KIF15: variants seen among roughly 807,000 people sequenced by gnomAD.
KIF15 encodes the protein kinesin-like protein KIF15.
KIF15 carries 140 observed loss-of-function variants against 190.6 expected under a neutral mutation model. That is an observed-to-expected ratio of 0.73 (90% CI 0.64 to 0.84). The LOEUF (loss-of-function observed/expected upper bound fraction) is 0.84. KIF15 is among the 40% of genes least tolerant of loss of function. The pLI is 0.00. For synonymous variants in KIF15, 528 were observed against 551.3 expected (o/e 0.96, Z 0.59); for missense variants, 1,372 against 1,584.4 (o/e 0.87, Z 2.28).
At chr3:44,768,287 A>C (rs1014415774) in intron 1 of KIF15, among the ~76,000 whole-genome samples, 5 of 151,968 alleles carry the variant, frequency 3.3e-5, no homozygotes, top group East Asian at 1.9e-4. Flanking sequence ...AAAAAAGAAA[A>C]GAAAAGAAAA....
intron 8 of KIF15, among the ~76,000 whole-genome samples, chr3:44,795,754 G>A (rs1706945259): frequency 6.6e-6 from 1 of 152,042 alleles, no homozygotes; most frequent in Admixed American, 6.6e-5. Flanking sequence ...AATATACATG[G>A]GCAAGGGGAG....
chr3:44,780,315 C>CT (rs1355709049), intron 4 of KIF15, among the ~76,000 whole-genome samples: 5 of 152,014 alleles, frequency 3.3e-5, no homozygotes, highest in Non-Finnish European at 7.4e-5. Context: ...GCACAAAAAC[C>CT]TATAGCATAA....
At chr3:44,785,964 T>C (rs1706383072) in intron 6 of KIF15, among the ~76,000 whole-genome samples, 1 of 152,188 alleles carries the variant, frequency 6.6e-6, no homozygotes, top group South Asian at 2.1e-4. Context: ...CTCACGCCTG[T>C]AATCCCAGCA....
chr3:44,787,075 A>G (rs1307686790), intron 7 of KIF15, among the ~76,000 whole-genome samples: 1 of 152,242 alleles, frequency 6.6e-6, no homozygotes, highest in Non-Finnish European at 1.5e-5. Flanking sequence ...AGCATTTGAC[A>G]CATATGAAAT....
At chr3:44,774,971 A>G (rs1342621601) in intron 2 of KIF15, among the ~76,000 whole-genome samples, 2 of 152,050 alleles carry the variant, frequency 1.3e-5, no homozygotes, top group Non-Finnish European at 2.9e-5. Flanking sequence ...GTGATGGCAG[A>G]TCCCTGTAAT....
In KIF15 at chr3:44,805,949, T is replaced by C; in HGVS notation, c.1934T>C (p.Val645Ala). 6.2e-7 allele frequency: 1 copy of C among 1,614,126 alleles called. No individual in the cohort carries two copies. The highest frequency in any genetic ancestry group is 1.1e-5 in the South Asian group (1 of 91,058). Residue 645 changes from valine (V) to alanine (A), a missense_variant, in exon 16 of 35, where the codon GTT (valine) becomes GCT (alanine). Transcript: ENST00000326047. ...ACAAAAGCCTGCAAGCGGCAAGAAGTTTCTCAGCTGAATAAAATTCATGCT... is the reference window on the plus strand; with the variant it reads ...ACAAAAGCCTGCAAGCGGCAAGAAGCTTCTCAGCTGAATAAAATTCATGCT... ...EATKACKRQE[V>A]SQLNKIHAET... is the part of the protein sequence containing the mutation.
chr3:44,854,175 A>C (rs913045069), downstream of KIF15, among the ~76,000 whole-genome samples: 1 of 152,132 alleles, frequency 6.6e-6, no homozygotes. Context: ...ACTTGAGGCC[A>C]GGAGTTCAAT....
At chr3:44,823,628 A>G (rs1049212093) in intron 20 of KIF15, among the ~76,000 whole-genome samples, 4 of 152,210 alleles carry the variant, frequency 2.6e-5, no homozygotes, top group African/African-American at 7.2e-5. Context: ...GGTGGAATCT[A>G]TAGAGGCAGC....
Position 44,778,179 on chromosome 3 carries a change from C to T in KIF15, c.311C>T (p.Thr104Ile). The T allele has an allele frequency of 1.2e-6, 2 of 1,612,718 alleles. No individual in the cohort carries two copies. Among genetic ancestry groups the T allele is most frequent in the Non-Finnish European group, 1.7e-6 (2 of 1,178,732 alleles). Residue 104 changes from threonine to isoleucine, a missense_variant, in exon 4 of 35, where the codon ACC becomes ATC. Coordinates refer to ENST00000326047, the MANE Select transcript of KIF15 (RefSeq NM_020242.3). ...TCTTGCATGAGCGGTTATAATGGTA[C>T]CATCTTTGCATAGTAAGTTGTTGAC... is the stretch of plus-strand genomic sequence containing the variant. ...VESCMSGYNG[T>I]IFAYGQTGSG...
chr3:44,861,220 A>C (rs1012112135), intron 6 of KIF15, among the ~76,000 whole-genome samples: 1 of 151,250 alleles, frequency 6.6e-6, no homozygotes, highest in Admixed American at 6.6e-5. Flanking sequence ...CGAACTCCCG[A>C]CCTCAGGTGA....
At chr3:44,866,173 C>T (rs916814807) in intron 6 of KIF15, among the ~76,000 whole-genome samples, 41 of 151,284 alleles carry the variant, frequency 2.7e-4, no homozygotes, top group Non-Finnish European at 2.7e-4. Flanking sequence ...CCCGGGTTCG[C>T]GCCATTCTCC....
intron 26 of KIF15, among the ~76,000 whole-genome samples, chr3:44,832,574 A>G: frequency 6.6e-6 from 1 of 152,192 alleles, no homozygotes; most frequent in East Asian, 1.9e-4. Context: ...GGCCCACAGA[A>G]AGTTAATGAG....
chr3:44,863,301 C>CG, intron 6 of KIF15: 1 of 51,558 alleles, frequency 1.9e-5, no homozygotes, highest in South Asian at 1.7e-3. Context: ...AGATTCCGCA[C>CG]CCCCCCCCCC....
intron 3 of KIF15, among the ~76,000 whole-genome samples, chr3:44,776,982 C>T (rs1705918924): frequency 7.0e-6 from 1 of 142,720 alleles, no homozygotes; most frequent in Non-Finnish European, 1.5e-5. Flanking sequence ...CTATACTGAA[C>T]ATCACAGATT....
rs776634153 is a variant in KIF15, at chr3:44,810,949, G to A, written c.2075G>A (p.Ser692Asn). The change falls in exon 17 of 35, where the codon AGC becomes AAC. Residue 692 changes from serine to asparagine, a missense_variant. By Grantham distance (46) the Ser-to-Asn change is conservative (BLOSUM62 1). Transcript: ENST00000326047. ...SFGSLYTQNS[S>N]ILDNDILNEP... is the part of the protein sequence containing the mutation. ...GGCTCTCTATACACTCAGAATTCTA[G>A]CATATTAGATAATGATATATTAAAT... 1 of 1,613,362 alleles carries A rather than the reference G, an allele frequency of 6.2e-7. No individual in the cohort carries two copies. The highest frequency in any genetic ancestry group is 8.5e-7 in the Non-Finnish European group (1 of 1,179,750).
At chr3:44,821,132 AC>A (rs565148935) in intron 20 of KIF15, among the ~76,000 whole-genome samples, 4 of 126,740 alleles carry the variant, frequency 3.2e-5, no homozygotes, top group African/African-American at 9.4e-5. Context: ...CGGGGGGCTG[AC>A]CCCCCCACCT....
chr3:44,812,976 C>T (rs1707859520), intron 18 of KIF15, 99 bp from the exon 19 acceptor site: 1 of 699,566 alleles, frequency 1.4e-6, no homozygotes, highest in Non-Finnish European at 2.3e-6. Context: ...CAGAGCAAGA[C>T]TCTGTCTCAA....
intron 6 of KIF15, chr3:44,862,282 G>A (rs1430594935): frequency 3.4e-6 from 1 of 297,908 alleles, no homozygotes; most frequent in Non-Finnish European, 5.0e-6. Context: ...GCCCCGGGCC[G>A]CGGGCGGCGC....
At chr3:44,796,533 C>T (rs968498292) in intron 8 of KIF15, among the ~76,000 whole-genome samples, 9 of 152,268 alleles carry the variant, frequency 5.9e-5, no homozygotes, top group Admixed American at 1.3e-4. Context: ...AGATTCAAAC[C>T]GAGCTGCTAC....
Sources: allele counts gnomAD v4.1 joint callset (sites outside exome capture counted in the v4.1 genomes callset), GRCh38; gene constraint gnomAD v4.1.1; transcripts MANE v1.5; gene names NCBI Gene and HGNC (gene_info 2026-07-23, HGNC 2026-07-21).